NEDD9: variants seen among roughly 807,000 people sequenced by gnomAD.
The protein encoded by NEDD9 is neural precursor cell expressed, developmentally down-regulated 9.
A neutral mutation model predicts 76.6 loss-of-function variants in NEDD9; 26 were observed. The observed-to-expected ratio is 0.34, with a 90% confidence interval of 0.25 to 0.47. The LOEUF (loss-of-function observed/expected upper bound fraction) is 0.47. Ranked by LOEUF, NEDD9 falls within the 20% of genes least tolerant of loss-of-function variation. NEDD9 has a pLI of 1.00. For synonymous variants in NEDD9, 392 were observed against 414.2 expected, an observed-to-expected ratio of 0.95 and a Z score of 0.65; for missense variants, 937 against 1,058.5, an observed-to-expected ratio of 0.89 and a Z score of 1.59.
At chr6:11,251,960 A>G (rs1759923409) in intron 3 of NEDD9, among the ~76,000 whole-genome samples, 1 of 151,938 alleles carries the variant, frequency 6.6e-6, no homozygotes, top group African/African-American at 2.4e-5. Context: ...ATGGTGAGTG[A>G]TGGGCAAAAT....
rs1468253343 is a variant in NEDD9 at position 11,185,347 on chromosome 6, T to C, written c.2320A>G (p.Asn774Asp). The C allele has an allele frequency of 6.2e-7, 1 of 1,614,210 alleles. No homozygotes were observed. Among genetic ancestry groups the C allele is most frequent in the Admixed American group, 1.7e-5 (1 of 60,030 alleles). Reference protein sequence around the residue: ...TRQVTAQDIRNKVMNSSNQLC... With the variant: ...TRQVTAQDIRDKVMNSSNQLC... ...TGGTTGCTGGAGTTCATGACTTTGT[T>C]GCGAATGTCCTGGGCAGTCACCTGC... The change falls in exon 7 of 7, where the codon AAC becomes GAC. Residue 774 changes from asparagine (N) to aspartate (D), a missense_variant. Physicochemically the swap from Asn to Asp is conservative, Grantham distance 23 (BLOSUM62 1). Transcript: ENST00000379446.
chr6:11,365,128 A>C (rs1762738870), intron 1 of NEDD9, among the ~76,000 whole-genome samples: 1 of 148,804 alleles, frequency 6.7e-6, no homozygotes, highest in African/African-American at 2.4e-5. Flanking sequence ...GCTGTCTGAC[A>C]AACAGAGTAC....
At chr6:11,333,052 AAGGAAGGAAGGGAGGG>A (rs1322974736) in intron 2 of NEDD9, among the ~76,000 whole-genome samples, 15 of 61,860 alleles carry the variant, frequency 2.4e-4, no homozygotes, top group Admixed American at 8.3e-4. Flanking sequence ...AAAAGGAAGG[AAGGAAGGAAGGGAGGG>A]AGGGAGGGAG....
chr6:11,306,073 G>C, exon 3 of NEDD9: 18 of 1,579,686 alleles, frequency 1.1e-5, no homozygotes, highest in Non-Finnish European at 1.6e-5. Context: ...CTTCTGACCA[G>C]TTTCTTCGTT....
intron 3 of NEDD9, among the ~76,000 whole-genome samples, chr6:11,302,078 C>T (rs1761060778): frequency 6.6e-6 from 1 of 151,940 alleles, no homozygotes. Context: ...AATCCAGGAG[C>T]TGTTTTTTTA....
At chr6:11,335,849 A>G (rs1762146855) in intron 1 of NEDD9, among the ~76,000 whole-genome samples, 1 of 152,236 alleles carries the variant, frequency 6.6e-6, no homozygotes, top group Non-Finnish European at 1.5e-5. Flanking sequence ...CCAATCTAAT[A>G]TATTTCAAAG....
At position 11,367,070 on chromosome 6, in the gene NEDD9, G is replaced by C. The variant is rs150551534; in HGVS notation, c.-214+15069C>G. Among the ~76,000 whole-genome samples the C allele has an allele frequency of 2.1e-4, 30 of 143,646 alleles. 1 individual carries two copies. Among genetic ancestry groups the C allele is most frequent in the African/African-American group, 7.5e-4 (28 of 37,352 alleles). 94.2% of individuals were successfully genotyped at this position (143,646 alleles called of 152,430 possible). On this transcript the variant is annotated intron_variant, in intron 1 of 3. Transcript: ENST00000397378. ...AACATTAAGAAAGGAGGGTTACCTC[G>C]AGAGGAGAACCGTATAAAGCTCAAT...
At chr6:11,356,004 A>C (rs1320679634) in intron 1 of NEDD9, among the ~76,000 whole-genome samples, 19 of 152,134 alleles carry the variant, frequency 1.2e-4, no homozygotes, top group Admixed American at 9.2e-4. Flanking sequence ...TGCAGGCGTG[A>C]GCCACCATGC....
upstream of NEDD9, chr6:11,233,166 T>C: frequency 3.9e-6 from 2 of 508,440 alleles, no homozygotes; most frequent in South Asian, 1.4e-5. Context: ...TGTCCCTTTT[T>C]CTTTCCCCCT....
intron 1 of NEDD9, among the ~76,000 whole-genome samples, chr6:11,368,837 A>T (rs1035447510): frequency 6.6e-6 from 1 of 151,748 alleles, no homozygotes; most frequent in Non-Finnish European, 1.5e-5. Flanking sequence ...TTTTATGAAA[A>T]CTCATTCCCT....
At chr6:11,261,034 T>C (rs146432040) in intron 3 of NEDD9, among the ~76,000 whole-genome samples, 147 of 152,260 alleles carry the variant, frequency 9.7e-4, no homozygotes, top group African/African-American at 3.4e-3. Flanking sequence ...TTTTAATGAC[T>C]ATAAAAACGA....
At chr6:11,361,370 G>T (rs910654345) in intron 1 of NEDD9, among the ~76,000 whole-genome samples, 8 of 152,168 alleles carry the variant, frequency 5.3e-5, no homozygotes, top group Non-Finnish European at 1.5e-5. Flanking sequence ...CTTCTGGGGA[G>T]GTCTCAGGAG....
chr6:11,319,358 C>G (rs1030400878), intron 2 of NEDD9, among the ~76,000 whole-genome samples: 3 of 152,002 alleles, frequency 2.0e-5, no homozygotes, highest in Non-Finnish European at 4.4e-5. Flanking sequence ...TGCACACTCA[C>G]ATGCACACTA....
chr6:11,283,856 A>G (rs1201973023), intron 3 of NEDD9, among the ~76,000 whole-genome samples: 1 of 152,116 alleles, frequency 6.6e-6, no homozygotes, highest in East Asian at 1.9e-4. Context: ...GTGTGTGTGC[A>G]AGGGTGGATG....
rs113484875 is a variant in NEDD9, at chr6:11,311,043, A to G, written c.-152-4888T>C. Among the ~76,000 whole-genome samples the G allele has an allele frequency of 2.5e-3, 379 of 152,078 alleles. 2 individuals carry two copies. The highest frequency in any genetic ancestry group is 8.5e-3 in the African/African-American group (352 of 41,470). ...TCTATGGGACTTTTCTCCATATATG[A>G]CCTCTCTCCTGACTTGCTCCCAGCA... is the stretch of plus-strand genomic sequence containing the variant. On this transcript the variant is annotated intron_variant, in intron 2 of 3. Coordinates refer to the NEDD9 transcript ENST00000397378.
chr6:11,309,036 T>A (rs543568619), intron 2 of NEDD9, among the ~76,000 whole-genome samples: 2 of 152,322 alleles, frequency 1.3e-5, no homozygotes, highest in Admixed American at 1.3e-4. Context: ...TGCCTACAGG[T>A]GACTACCTGG....
chr6:11,322,281 C>A (rs1301947225), intron 2 of NEDD9, among the ~76,000 whole-genome samples: 1 of 152,012 alleles, frequency 6.6e-6, no homozygotes, highest in African/African-American at 2.4e-5. Flanking sequence ...CACCATGGCA[C>A]ACGTATACCT....
chr6:11,193,062 TG>T (rs1471293375), intron 3 of NEDD9, among the ~76,000 whole-genome samples: 1 of 151,982 alleles, frequency 6.6e-6, no homozygotes, highest in African/African-American at 2.4e-5. Flanking sequence ...CCCAGCACTT[TG>T]GAAGGCCGAG....
intron 2 of NEDD9, among the ~76,000 whole-genome samples, chr6:11,327,100 A>G (rs769884220): frequency 1.1e-4 from 17 of 152,192 alleles, no homozygotes; most frequent in South Asian, 2.1e-4. Flanking sequence ...AGGAGCACAT[A>G]GGGACTGTAC....
Sources: gnomAD v4.1 joint callset for allele counts (sites outside exome capture counted in the v4.1 genomes callset) on GRCh38, gnomAD v4.1.1 for gene constraint, MANE v1.5 for transcripts, NCBI Gene and HGNC (gene_info 2026-07-23, HGNC 2026-07-21) for gene names.